The following TMEM117 variants were observed in gnomAD, a reference collection of about 807,000 sequenced individuals.
TMEM117 encodes transmembrane protein 117.
A neutral mutation model predicts 52.4 loss-of-function variants in TMEM117; 27 were observed. That is an observed-to-expected ratio of 0.51 (90% CI 0.38 to 0.71). The LOEUF is 0.71. Ranked by LOEUF, TMEM117 falls within the 30% of genes least tolerant of loss-of-function variation. TMEM117 has a pLI of 0.00. For synonymous variants in TMEM117, 215 were observed against 206.3 expected, an observed-to-expected ratio of 1.04 and a Z score of -0.36; for missense variants, 556 against 630.5, an observed-to-expected ratio of 0.88 and a Z score of 1.26.
chr12:44,294,172 G>A (rs1950739097), intron 5 of TMEM117, among the ~76,000 whole-genome samples: 1 of 152,040 alleles, frequency 6.6e-6, no homozygotes, highest in African/African-American at 2.4e-5. Context: ...TTCACCAATA[G>A]TTTTATCAGG....
intron 3 of TMEM117, among the ~76,000 whole-genome samples, chr12:44,085,088 A>C (rs921769075): frequency 6.6e-6 from 1 of 152,202 alleles, no homozygotes; most frequent in Non-Finnish European, 1.5e-5. Flanking sequence ...AGAAATCTTG[A>C]CACATTTGGC....
chr12:44,325,198 G>A (rs75134182), intron 6 of TMEM117, among the ~76,000 whole-genome samples: 2,001 of 152,194 alleles, frequency 0.013, 45 homozygotes, highest in African/African-American at 0.046. Context: ...TTTTAGCAAG[G>A]TAATATAGAA....
chr12:44,076,161 C>T (rs1011880401), intron 3 of TMEM117, among the ~76,000 whole-genome samples: 4 of 152,078 alleles, frequency 2.6e-5, no homozygotes, highest in Non-Finnish European at 5.9e-5. Flanking sequence ...CCTTCATTCT[C>T]TAAGAAATAA....
chr12:44,147,327 G>A (rs1948657602), intron 4 of TMEM117, among the ~76,000 whole-genome samples: 1 of 152,090 alleles, frequency 6.6e-6, no homozygotes, highest in Non-Finnish European at 1.5e-5. Flanking sequence ...GAGTTGGCCA[G>A]TTCCATATCA....
intron 5 of TMEM117, among the ~76,000 whole-genome samples, chr12:44,255,620 A>G (rs1260587771): frequency 6.6e-6 from 1 of 152,152 alleles, no homozygotes; most frequent in Non-Finnish European, 1.5e-5. Context: ...GTAAGCAGTT[A>G]ATTGTAAAAG....
intron 6 of TMEM117, among the ~76,000 whole-genome samples, chr12:44,317,455 C>A (rs762417404): frequency 6.6e-6 from 1 of 151,836 alleles, no homozygotes; most frequent in Non-Finnish European, 1.5e-5. Flanking sequence ...GTGCAAATGG[C>A]GCAATCTCAG....
chr12:44,293,147 A>T (rs993820744), intron 5 of TMEM117, among the ~76,000 whole-genome samples: 2 of 151,892 alleles, frequency 1.3e-5, no homozygotes, highest in Non-Finnish European at 2.9e-5. Flanking sequence ...TTCTCTTTAT[A>T]TATTGACACT....
At chr12:44,004,234 CA>C (rs1565788379) in intron 3 of TMEM117, among the ~76,000 whole-genome samples, 1 of 152,120 alleles carries the variant, frequency 6.6e-6, no homozygotes, top group African/African-American at 2.4e-5. Context: ...GGGATTATAA[CA>C]GGGGTAAGCA....
chr12:44,368,480 C>G (rs1179435320), intron 6 of TMEM117, among the ~76,000 whole-genome samples: 1 of 152,128 alleles, frequency 6.6e-6, no homozygotes. Flanking sequence ...TATTTTTATA[C>G]TGAATCACAT....
intron 7 of TMEM117, among the ~76,000 whole-genome samples, chr12:44,380,920 C>T (rs1421321680): frequency 6.6e-6 from 1 of 152,120 alleles, no homozygotes; most frequent in African/African-American, 2.4e-5. Context: ...TTCTCTCTCC[C>T]AATGAAATAT....
At chr12:43,938,476 C>T (rs1274664419) in intron 2 of TMEM117, among the ~76,000 whole-genome samples, 1 of 151,666 alleles carries the variant, frequency 6.6e-6, no homozygotes, top group Admixed American at 6.6e-5. Flanking sequence ...TTATGGTCAT[C>T]TTGGGACAAC....
chr12:43,828,198 A>G, the TMEM117 span, among the ~76,000 whole-genome samples: 1 of 152,354 alleles, frequency 6.6e-6, no homozygotes, highest in South Asian at 2.1e-4. Flanking sequence ...CTTGAGAAAA[A>G]GAGGATATGG....
chr12:44,118,278 C>G (rs1242851860), intron 3 of TMEM117, among the ~76,000 whole-genome samples: 1 of 151,972 alleles, frequency 6.6e-6, no homozygotes, highest in East Asian at 1.9e-4. Flanking sequence ...GAGTAATGAT[C>G]CAGATTTGAT....
At chr12:44,385,931 T>G (rs1952082140) in intron 7 of TMEM117, among the ~76,000 whole-genome samples, 1 of 152,164 alleles carries the variant, frequency 6.6e-6, no homozygotes, top group South Asian at 2.1e-4. Context: ...TTATCTCATC[T>G]TTTATATATG....
intron 3 of TMEM117, among the ~76,000 whole-genome samples, chr12:44,034,504 C>A (rs1433956259): frequency 6.6e-6 from 1 of 152,068 alleles, no homozygotes; most frequent in Non-Finnish European, 1.5e-5. Flanking sequence ...GCAATTAAGT[C>A]CGTGGTGATT....
At chr12:44,216,786 T>G (rs900089463) in intron 5 of TMEM117, among the ~76,000 whole-genome samples, 4 of 152,186 alleles carry the variant, frequency 2.6e-5, no homozygotes, top group Non-Finnish European at 5.9e-5. Flanking sequence ...ACAGCAGTTG[T>G]GTACTCTGTT....
At chr12:43,884,242 A>G (rs528113532) in intron 2 of TMEM117, among the ~76,000 whole-genome samples, 31 of 152,080 alleles carry the variant, frequency 2.0e-4, no homozygotes, top group Admixed American at 7.9e-4. Flanking sequence ...TTTTACTTGT[A>G]TGAAAATATT....
intron 2 of TMEM117, among the ~76,000 whole-genome samples, chr12:43,852,080 C>A (rs1027778262): frequency 6.6e-6 from 1 of 150,804 alleles, no homozygotes; most frequent in East Asian, 1.9e-4. Context: ...GGGCTGATCA[C>A]GAGGTCAAGA....
At chr12:44,346,700 A>T (rs1951492116) in intron 6 of TMEM117, among the ~76,000 whole-genome samples, 1 of 152,084 alleles carries the variant, frequency 6.6e-6, no homozygotes, top group African/African-American at 2.4e-5. Context: ...GGCTTGACCA[A>T]TTCCCTTCAG....
Sources: gnomAD v4.1 joint callset for allele counts (sites outside exome capture counted in the v4.1 genomes callset) on GRCh38, gnomAD v4.1.1 for gene constraint, MANE v1.5 for transcripts, NCBI Gene and HGNC (gene_info 2026-07-23, HGNC 2026-07-21) for gene names.